CRYAB: variants seen among roughly 807,000 people sequenced by gnomAD.
The protein encoded by CRYAB is crystallin alpha B, also known as alpha-crystallin B chain.
CRYAB carries 9 observed loss-of-function variants against 12.7 expected under a neutral mutation model. The ratio of observed to expected loss-of-function variants is 0.71; its 90% CI spans 0.43 to 1.24. The LOEUF is 1.24. CRYAB is among the 50% of genes most tolerant of loss of function. The probability of loss-of-function intolerance (pLI) is 0.00; values close to 1 mark genes in which losing one functional copy is unlikely to be tolerated. For synonymous variants in CRYAB, 93 were observed against 86.8 expected (o/e 1.07, Z -0.40); for missense variants, 183 against 226.6 (o/e 0.81, Z 1.24).
rs1965457564 is a variant in CRYAB at position 111,911,594 on chromosome 11, A to G, written c.131T>C (p.Leu44Pro). 2 of 1,613,376 alleles carry G rather than the reference A, an allele frequency of 1.2e-6. No individual in the cohort carries two copies. The highest frequency in any genetic ancestry group is 1.7e-6 in the Non-Finnish European group (2 of 1,179,814). Reference sequence around the variant, plus strand: ...GGGTGGCCGAAGGTAGAAGGGACTCAGGGAAGTAGACGTCGGGAAAAGATC... The same window carrying G: ...GGGTGGCCGAAGGTAGAAGGGACTCGGGGAAGTAGACGTCGGGAAAAGATC... Reference protein sequence around the residue: ...ESDLFPTSTSLSPFYLRPPSF... With the variant: ...ESDLFPTSTSPSPFYLRPPSF... Residue 44 changes from leucine to proline, a missense_variant, in exon 1 of 3, where the codon CTG (leucine) becomes CCG (proline). Coordinates refer to ENST00000650687, the MANE Select transcript of CRYAB (RefSeq NM_001289808.2).
rs146610119 is a variant in CRYAB at position 111,920,239 on chromosome 11, T to A, written c.-199+3464A>T. Among the ~76,000 whole-genome samples, 360 of 151,462 alleles carry A rather than the reference T, an allele frequency of 2.4e-3. 2 individuals carry two copies. The highest frequency in any genetic ancestry group is 3.6e-3 in the African/African-American group (149 of 41,292). On this transcript the variant is annotated intron_variant, in intron 1 of 3. Coordinates refer to the CRYAB transcript ENST00000527950. ...ATAGAATAAAATAAAATAAAATAAA[T>A]TAAAGGGCAGAAGTGGTCGGATGCA...
At chr11:111,919,966 C>T (rs941671353) in intron 1 of CRYAB, among the ~76,000 whole-genome samples, 2 of 152,040 alleles carry the variant, frequency 1.3e-5, no homozygotes, top group African/African-American at 2.4e-5. Context: ...GAGGCCGAGG[C>T]GGGTGGATCA....
rs1291858452 is a variant in CRYAB at position 111,910,449 on chromosome 11, T to A, written c.202A>T (p.Met68Leu). ...GAGAACCTGTCCTTCTCCAGGCGCA[T>A]CTAGAAATAGCAAGGTAAGGGAATG... is the stretch of plus-strand genomic sequence containing the variant. ...PSWFDTGLSE[M>L]RLEKDRFSVN... is the part of the protein sequence containing the mutation. The change falls in exon 2 of 3, where the codon ATG (methionine) becomes TTG (leucine). Residue 68 changes from methionine (M) to leucine (L), a missense_variant and splice_region_variant. Met to Leu is a conservative substitution (Grantham distance 15, BLOSUM62 2). Around this residue, in one of 3 missense-constraint regions of CRYAB, gnomAD observed 86 missense variants for 96.1 expected, o/e 0.89. Transcript: ENST00000650687. 7 of 1,614,028 alleles carry A rather than the reference T, an allele frequency of 4.3e-6. No individual in the cohort carries two copies. Among genetic ancestry groups the A allele is most frequent in the Non-Finnish European group, 4.2e-6 (5 of 1,180,034 alleles).
At position 111,908,792 on chromosome 11, in the gene CRYAB, GGC is replaced by G; in HGVS notation, c.498_499del (p.Lys166AsnfsTer15). On this transcript the variant is annotated frameshift_variant, in exon 3 of 3. Coordinates refer to ENST00000650687, the MANE Select transcript of CRYAB (RefSeq NM_001289808.2). LOFTEE classifies it high-confidence loss of function. ...TTTCTTGGGGGCTGCGGTGACAGCA[GGC>G]TTCTCTTCACGGGTGATGGGAATGG... 1 of 1,613,160 alleles carries G rather than the reference GGC, an allele frequency of 6.2e-7. No homozygotes were observed. Among genetic ancestry groups the G allele is most frequent in the Non-Finnish European group, 8.5e-7 (1 of 1,180,026 alleles).
upstream of CRYAB, chr11:111,912,475 A>G: frequency 2.7e-6 from 1 of 363,770 alleles, no homozygotes; most frequent in South Asian, 3.9e-5. Flanking sequence ...GAAACGTGCA[A>G]ACCGTTTGTG....
chr11:111,912,675 AGCCCCT>A, upstream of CRYAB: 1 of 379,184 alleles, frequency 2.6e-6, no homozygotes. Flanking sequence ...CCCCACTCCC[AGCCCCT>A]CCCCCCCCAA....
upstream of CRYAB, among the ~76,000 whole-genome samples, chr11:111,914,266 T>C (rs1555165978): frequency 6.6e-6 from 1 of 152,130 alleles, no homozygotes; most frequent in Admixed American, 6.5e-5. Context: ...TGGCTCCAGA[T>C]CAAATTCCTA....
intron 1 of CRYAB, 194 bp from the exon 2 acceptor site, chr11:111,910,643 A>C: frequency 1.4e-6 from 1 of 698,308 alleles, no homozygotes; most frequent in South Asian, 1.8e-5. Context: ...CCTAAGGCTC[A>C]TGGTGATCAG....
upstream of CRYAB, chr11:111,913,979 C>T (rs1289137824): frequency 8.4e-7 from 1 of 1,194,474 alleles, no homozygotes; most frequent in Admixed American, 2.3e-5. Context: ...GAGGTAGCAG[C>T]ATCCTTGGGG....
intron 1 of CRYAB, among the ~76,000 whole-genome samples, chr11:111,922,608 T>G (rs1314920277): frequency 6.6e-6 from 1 of 152,210 alleles, no homozygotes; most frequent in East Asian, 1.9e-4. Context: ...AAGTAAAATT[T>G]TCCATGATGT....
At chr11:111,912,689 C>CCCA, upstream of CRYAB, 8 of 535,176 alleles carry the variant, frequency 1.5e-5, no homozygotes, top group African/African-American at 2.0e-5. Flanking sequence ...CCTCCCCCCC[C>CCCA]AAGAGGCTCG....
At chr11:111,918,766 G>C (rs938067212) in intron 1 of CRYAB, 17 of 687,656 alleles carry the variant, frequency 2.5e-5, no homozygotes, top group Admixed American at 4.0e-5. Flanking sequence ...CTCACCTGGA[G>C]CCCGTGTGTT....
At chr11:111,913,732 C>G (rs1555165898), upstream of CRYAB, 2 of 1,614,112 alleles carry the variant, frequency 1.2e-6, no homozygotes, top group Non-Finnish European at 8.5e-7. Context: ...GATGTCGACC[C>G]CTGGCGAGTC....
chr11:111,921,222 AT>A (rs1555166542), intron 1 of CRYAB, among the ~76,000 whole-genome samples: 1 of 152,236 alleles, frequency 6.6e-6, no homozygotes, highest in Admixed American at 6.5e-5. Context: ...CCTACTACTC[AT>A]TCATTTATCC....
upstream of CRYAB, among the ~76,000 whole-genome samples, chr11:111,915,405 T>C (rs1965582930): frequency 6.6e-6 from 1 of 152,260 alleles, no homozygotes; most frequent in African/African-American, 2.4e-5. Flanking sequence ...AGTAAATATT[T>C]ATCAAACCTC....
At chr11:111,917,727 T>C (rs1320500848), upstream of CRYAB, among the ~76,000 whole-genome samples, 4 of 151,682 alleles carry the variant, frequency 2.6e-5, no homozygotes, top group Non-Finnish European at 4.4e-5. Context: ...GAGCCTGTAG[T>C]CCCAGCTACT....
intron 1 of CRYAB, among the ~76,000 whole-genome samples, chr11:111,923,270 G>A (rs1555166682): frequency 6.6e-6 from 1 of 152,186 alleles, no homozygotes; most frequent in African/African-American, 2.4e-5. Context: ...GAGTTTGGCT[G>A]GAGACTCAAC....
upstream of CRYAB, chr11:111,911,899 G>A: frequency 1.6e-6 from 1 of 615,928 alleles, no homozygotes; most frequent in Non-Finnish European, 2.9e-6. Context: ...TTGGCAATGT[G>A]ACACATACCC....
chr11:111,913,004 CA>C, upstream of CRYAB: 1 of 1,059,892 alleles, frequency 9.4e-7, no homozygotes, highest in Non-Finnish European at 1.4e-6. Context: ...TGCTGGCCTC[CA>C]CCCCACTCTG....
Sources: gnomAD v4.1 joint callset for allele counts (sites outside exome capture counted in the v4.1 genomes callset) on GRCh38, gnomAD v4.1.1 for gene constraint, gnomAD v4.1.1 regional missense constraint, MANE v1.5 for transcripts, NCBI Gene and HGNC (gene_info 2026-07-23, HGNC 2026-07-21) for gene names.